Variants in CROCC observed in about 807,000 individuals in gnomAD.
CROCC encodes the protein ciliary rootlet coiled-coil, rootletin.
In CROCC, 180 loss-of-function variants were observed where a neutral mutation model predicts 245.2. That is an observed-to-expected ratio of 0.73 (90% CI 0.65 to 0.83). The LOEUF (loss-of-function observed/expected upper bound fraction) is 0.83, where lower values mean the gene tolerates loss of function less well. Among genes scored for constraint, CROCC ranks in the 40% least tolerant of loss-of-function variants. The pLI, the probability that CROCC is intolerant of heterozygous loss-of-function variation, is 0.00. For missense variants in CROCC, 2,688 were observed against 2,779.4 expected, an observed-to-expected ratio of 0.97 and a Z score of 0.74; for synonymous variants, 1,205 against 1,241.6, an observed-to-expected ratio of 0.97 and a Z score of 0.62.
chr1:16,938,771 G>A, intron 11 of CROCC, 138 bp from the exon 12 acceptor site: 1 of 888,976 alleles, frequency 1.1e-6, no homozygotes, highest in Non-Finnish European at 1.8e-6. Context: ...TAGTGGAGGA[G>A]GTGAAATCAG....
chr1:16,926,844 G>A (rs2075545707), intron 3 of CROCC, among the ~76,000 whole-genome samples: 1 of 152,294 alleles, frequency 6.6e-6, no homozygotes, highest in Admixed American at 6.5e-5. Flanking sequence ...AGGGGAGACA[G>A]TCAACTTCTT....
intron 1 of CROCC, among the ~76,000 whole-genome samples, chr1:16,914,121 G>A (rs1482394141): frequency 2.0e-5 from 3 of 151,300 alleles, no homozygotes; most frequent in Non-Finnish European, 4.4e-5. Context: ...CAGCGGCTGC[G>A]GCGAAGGCGC....
intron 26 of CROCC, among the ~76,000 whole-genome samples, chr1:16,959,536 G>A (rs12085826): frequency 0.022 from 3,385 of 152,276 alleles, 138 homozygotes; most frequent in African/African-American, 0.078. Flanking sequence ...TAGCACAGCC[G>A]AGCATGTATG....
intron 16 of CROCC, 91 bp downstream of exon 16, chr1:16,946,496 G>T (rs1267511025): frequency 2.7e-6 from 4 of 1,505,046 alleles, no homozygotes; most frequent in African/African-American, 2.7e-5. Flanking sequence ...ACCTGTCTTG[G>T]CCCCTGCCTC....
chr1:16,924,563 G>C, intron 3 of CROCC, 84 bp downstream of exon 3: 1 of 1,515,854 alleles, frequency 6.6e-7, no homozygotes, highest in East Asian at 2.3e-5. Context: ...CCACACACGG[G>C]GCAAAAGATG....
intron 23 of CROCC, among the ~76,000 whole-genome samples, chr1:16,955,080 G>A (rs1041740483): frequency 6.6e-6 from 1 of 152,162 alleles, no homozygotes; most frequent in African/African-American, 2.4e-5. Flanking sequence ...AGGGGTGAGT[G>A]GGGTCTCTGC....
At chr1:16,939,227 C>CGGGGGT in intron 12 of CROCC, 85 bp downstream of exon 12, 2 of 1,176,504 alleles carry the variant, frequency 1.7e-6, no homozygotes, top group Non-Finnish European at 2.2e-6. Flanking sequence ...GGGGCGGGGG[C>CGGGGGT]AGGTCCGGGG....
upstream of CROCC, among the ~76,000 whole-genome samples, chr1:16,918,731 G>GTTTT (rs1322555949): frequency 2.1e-3 from 166 of 77,892 alleles, no homozygotes; most frequent in African/African-American, 6.3e-3. Flanking sequence ...GGCCGGTTTA[G>GTTTT]TTTTTTGTTT....
rs551531832 is a variant in CROCC, at chr1:16,956,165, C to T, written c.3864+9C>T. The T allele has an allele frequency of 6.5e-7, 1 of 1,528,770 alleles. No homozygotes were observed. The highest frequency in any genetic ancestry group is 1.4e-5 in the African/African-American group (1 of 72,666). The allele number at this position is 1,528,770 out of a possible 1,614,324, so 94.7% of individuals were successfully genotyped here. On this transcript the variant is annotated intron_variant, in intron 25 of 36. Coordinates refer to ENST00000375541, the MANE Select transcript of CROCC (RefSeq NM_014675.5). The stretch of plus-strand genomic sequence containing the variant: ...AGGAGCTCCGGCGTCAGGTACTCTC[C>T]CTGTGCCACCCCTTAGCCTGGGGCT...
Position 16,956,076 on chromosome 1 carries a change from G to A in CROCC, c.3784G>A (p.Gly1262Arg), listed in dbSNP as rs901460087. The A allele has an allele frequency of 4.6e-5, 71 of 1,550,978 alleles. No individual in the cohort carries two copies. In the Admixed American group the frequency reaches 5.3e-4, roughly 12 times the overall value. Residue 1262 changes from glycine (G) to arginine (R), a missense_variant, in exon 25 of 37, where the codon GGG becomes AGG. Gly to Arg is a moderately radical substitution (Grantham distance 125). Coordinates refer to ENST00000375541, the MANE Select transcript of CROCC (RefSeq NM_014675.5). Reference protein sequence around the residue: ...EARTAVGKEAGELRTGLQEVE... With the variant: ...EARTAVGKEARELRTGLQEVE... ...ACGGACAGCTGTGGGCAAGGAGGCC[G>A]GGGAGCTGCGAACTGGGCTGCAGGA...
upstream of CROCC, among the ~76,000 whole-genome samples, chr1:16,921,519 G>A (rs1424490779): frequency 6.6e-6 from 1 of 152,288 alleles, no homozygotes; most frequent in Non-Finnish European, 1.5e-5. Context: ...CCAGCATGCT[G>A]TAAATCCTCT....
chr1:16,966,611 T>A lies in CROCC; in HGVS notation c.4860+40T>A, dbSNP rs901564062. 7 of 1,446,604 alleles carry A rather than the reference T, an allele frequency of 4.8e-6. No individual in the cohort carries two copies. The Admixed American group carries it at 1.9e-4, about 39-fold the overall frequency. The allele number at this position is 1,446,604 out of a possible 1,614,324, so 89.6% of individuals were successfully genotyped here. ...AGGGCCAGCGGGGCGACGGGGAATC[T>A]GTGTACCCGAGTGAGTGTCTAACTC... On this transcript the variant is annotated intron_variant, in intron 30 of 36. Transcript: ENST00000375541. This position sits in a 1 kb window ranked among gnomAD's most constrained non-coding sequence, Gnocchi z 4.8.
intron 3 of CROCC, among the ~76,000 whole-genome samples, chr1:16,925,066 G>T (rs1214630536): frequency 6.6e-6 from 1 of 152,282 alleles, no homozygotes; most frequent in African/African-American, 2.4e-5. Context: ...GGTGTGGGGC[G>T]GGAGCTGGGT....
rs117811493 is a variant in CROCC at position 16,964,741 on chromosome 1, C to T, written c.4406-982C>T. On this transcript the variant is annotated intron_variant, in intron 27 of 36. Coordinates refer to ENST00000375541, the MANE Select transcript of CROCC (RefSeq NM_014675.5). Reference sequence around the variant, plus strand: ...CTGTGTTACCCAGGCTGGAGTGCAGCGGTTCGATTAGGAACACTGCGAGCT... The same window carrying T: ...CTGTGTTACCCAGGCTGGAGTGCAGTGGTTCGATTAGGAACACTGCGAGCT... Among the ~76,000 whole-genome samples the T allele has an allele frequency of 7.8e-4, 119 of 151,888 alleles. No homozygotes were observed. The East Asian group carries it at 0.021, about 27-fold the overall frequency.
chr1:16,924,810 C>T (rs1490774346), intron 3 of CROCC, among the ~76,000 whole-genome samples: 1 of 152,292 alleles, frequency 6.6e-6, no homozygotes, highest in Non-Finnish European at 1.5e-5. Flanking sequence ...CCTAAAGATT[C>T]CTGCCCCTTG....
In CROCC at chr1:16,972,501, CT is replaced by C; in HGVS notation, c.*59del. On this transcript the variant is annotated 3_prime_UTR_variant, in exon 37 of 37. Coordinates refer to ENST00000375541, the MANE Select transcript of CROCC (RefSeq NM_014675.5). ...GTGCCTGGGACAGGGGAGGACCCTT[CT>C]TTTGGACAGCCCCCCCACCCAGAGC... is the stretch of plus-strand genomic sequence containing the variant. The C allele has an allele frequency of 8.3e-7, 1 of 1,204,870 alleles. No individual in the cohort carries two copies. Among genetic ancestry groups the C allele is most frequent in the Non-Finnish European group, 1.2e-6 (1 of 864,882 alleles). The allele number at this position is 1,204,870 out of a possible 1,614,324, so 74.6% of individuals were successfully genotyped here. A position where few individuals can be genotyped will look rare whatever the true frequency, so the allele number is the denominator to read the frequency against.
At chr1:16,937,039 C>T (rs2075806714) in intron 9 of CROCC, among the ~76,000 whole-genome samples, 166 bp downstream of exon 9, 2 of 152,418 alleles carry the variant, frequency 1.3e-5, no homozygotes, top group African/African-American at 4.8e-5. Flanking sequence ...CAGTGTTTAT[C>T]ATAAACAGCT....
In CROCC at chr1:16,936,775, C is replaced by A. The variant is rs537778395; in HGVS notation, c.1095C>A (p.Ala365=). 5.3e-5 allele frequency: 85 copies of A among 1,611,792 alleles called. No individual in the cohort carries two copies. The East Asian group carries it at 1.8e-3, about 34-fold the overall frequency. The part of the protein sequence containing the change: ...AALEKQALLQ[A]QLEEQLRDKV... Reference sequence around the variant, plus strand: ...TGGAGAAACAGGCCCTGCTGCAGGCCCAGCTGGAGGAGCAGCTGCGGGACA... The same window carrying A: ...TGGAGAAACAGGCCCTGCTGCAGGCACAGCTGGAGGAGCAGCTGCGGGACA... Residue 365 remains alanine (A), a synonymous_variant, in exon 9 of 37, where the codon GCC becomes GCA. Transcript: ENST00000375541.
chr1:16,957,370 G>A (rs1410013472), intron 25 of CROCC, among the ~76,000 whole-genome samples: 3 of 151,748 alleles, frequency 2.0e-5, no homozygotes, highest in East Asian at 1.9e-4. Context: ...TCGCATCACC[G>A]CACTCCAGCC....
Sources: allele counts gnomAD v4.1 joint callset (sites outside exome capture counted in the v4.1 genomes callset), GRCh38; gene constraint gnomAD v4.1.1; non-coding constraint Gnocchi (gnomAD v3.1); transcripts MANE v1.5; gene names NCBI Gene and HGNC (gene_info 2026-07-23, HGNC 2026-07-21).